The following ZNF83 variants were observed in gnomAD, a reference collection of about 807,000 sequenced individuals.
ZNF83 encodes the protein zinc finger protein 816B.
For synonymous variants in ZNF83, 209 were observed against 213.0 expected, an observed-to-expected ratio of 0.98 and a Z score of 0.17; for missense variants, 552 against 629.9, an observed-to-expected ratio of 0.88 and a Z score of 1.32.
intron 1 of ZNF83, among the ~76,000 whole-genome samples, chr19:52,688,795 G>A (rs1465296686): frequency 2.0e-5 from 3 of 152,044 alleles, no homozygotes; most frequent in Non-Finnish European, 4.4e-5. Context: ...GGCCCACAAT[G>A]TGGCAAGGCA....
intron 1 of ZNF83, among the ~76,000 whole-genome samples, chr19:52,689,819 C>G (rs1220492621): frequency 6.6e-6 from 1 of 152,136 alleles, no homozygotes; most frequent in African/African-American, 2.4e-5. Context: ...GCCTGCATCC[C>G]GGAGGAGCTT....
At chr19:52,652,350 G>C (rs779893359) in intron 3 of ZNF83, 5 of 299,110 alleles carry the variant, frequency 1.7e-5, no homozygotes, top group South Asian at 1.2e-4. Flanking sequence ...AAGGAGAATC[G>C]TATGAACCTG....
At chr19:52,634,928 C>T in intron 2 of ZNF83, 138 bp downstream of exon 2, 1 of 780,866 alleles carries the variant, frequency 1.3e-6, no homozygotes, top group South Asian at 1.6e-5. Context: ...ATGAGAGGGA[C>T]TGAGGGAAGG....
At chr19:52,631,965 G>A (rs1164165028) in intron 2 of ZNF83, among the ~76,000 whole-genome samples, 4 of 140,730 alleles carry the variant, frequency 2.8e-5, no homozygotes, top group Non-Finnish European at 6.2e-5. Flanking sequence ...CATCAAGCTC[G>A]AGGATTTGCC....
At chr19:52,666,412 G>T (rs557493323) in intron 1 of ZNF83, among the ~76,000 whole-genome samples, 1 of 152,128 alleles carries the variant, frequency 6.6e-6, no homozygotes, top group East Asian at 1.9e-4. Flanking sequence ...TGTTGTCAGT[G>T]TAAACAATGG....
At chr19:52,666,410 G>A (rs2061654288) in intron 1 of ZNF83, among the ~76,000 whole-genome samples, 1 of 152,014 alleles carries the variant, frequency 6.6e-6, no homozygotes, top group African/African-American at 2.4e-5. Flanking sequence ...CCTGTTGTCA[G>A]TGTAAACAAT....
chr19:52,631,929 AT>A, intron 2 of ZNF83, among the ~76,000 whole-genome samples: 1 of 124,194 alleles, frequency 8.1e-6, no homozygotes, highest in South Asian at 2.4e-4. Context: ...CTCAGGGATT[AT>A]TCAGGCCCCC....
chr19:52,685,633 T>C, intron 1 of ZNF83, among the ~76,000 whole-genome samples: 1 of 151,924 alleles, frequency 6.6e-6, no homozygotes, highest in African/African-American at 2.4e-5. Context: ...ACGGTAGCTC[T>C]TGCCTGTAAT....
Position 52,655,620 on chromosome 19 carries a change from G to T in ZNF83, c.-133C>A, listed in dbSNP as rs2061494658. ...CACGGCCCTGTATAAAGCCCTCTGTGCAGGGTTCAGGCATTTCCACTCCTC... is the reference window on the plus strand; with the variant it reads ...CACGGCCCTGTATAAAGCCCTCTGTTCAGGGTTCAGGCATTTCCACTCCTC... On this transcript the variant is annotated 5_prime_UTR_variant, in exon 3 of 6. Transcript: ENST00000594682. 6 of 1,492,268 alleles carry T rather than the reference G, an allele frequency of 4.0e-6. No homozygotes were observed. The Admixed American group carries it at 5.1e-5, about 13-fold the overall frequency. The allele number at this position is 1,492,268 out of a possible 1,614,324, so 92.4% of individuals were successfully genotyped here. A position where few individuals can be genotyped will look rare whatever the true frequency, so the allele number is the denominator to read the frequency against.
chr19:52,614,647 G>A, exon 3 of ZNF83: 1 of 1,412,174 alleles, frequency 7.1e-7, no homozygotes, highest in Non-Finnish European at 9.3e-7. Flanking sequence ...CAGACACTGA[G>A]AGTCATGTAC....
intron 2 of ZNF83, chr19:52,618,648 TG>T (rs1265514005): frequency 4.6e-6 from 2 of 436,006 alleles, no homozygotes; most frequent in Non-Finnish European, 7.9e-6. Flanking sequence ...CCACAAGCTT[TG>T]GCCTCCCAAA....
chr19:52,676,792 C>T (rs895590196), intron 1 of ZNF83, among the ~76,000 whole-genome samples: 3 of 136,692 alleles, frequency 2.2e-5, no homozygotes, highest in African/African-American at 8.7e-5. Context: ...AGAAAAATTC[C>T]TCTGCCTTGG....
chr19:52,663,296 C>T (rs1004679994), intron 1 of ZNF83, among the ~76,000 whole-genome samples: 2 of 152,136 alleles, frequency 1.3e-5, no homozygotes, highest in African/African-American at 2.4e-5. Context: ...GACAGTAATA[C>T]GTTCAAAATA....
At chr19:52,680,356 C>G (rs1034104042) in intron 1 of ZNF83, among the ~76,000 whole-genome samples, 40 of 152,130 alleles carry the variant, frequency 2.6e-4, no homozygotes, top group Non-Finnish European at 4.3e-4. Flanking sequence ...GCCCTCTGCG[C>G]AGGGTTCAGG....
chr19:52,623,670 G>A (rs1027493772), intron 2 of ZNF83, among the ~76,000 whole-genome samples: 40 of 151,866 alleles, frequency 2.6e-4, no homozygotes, highest in African/African-American at 9.4e-4. Flanking sequence ...TCCCTCCCTG[G>A]CAACTGATCA....
chr19:52,653,327 CA>C, intron 3 of ZNF83: 1 of 1,286,790 alleles, frequency 7.8e-7, no homozygotes, highest in Non-Finnish European at 1.1e-6. Flanking sequence ...GGTTTCTCTC[CA>C]GTATGAACTC....
exon 3 of ZNF83, chr19:52,614,456 T>C: frequency 6.2e-7 from 1 of 1,612,974 alleles, no homozygotes; most frequent in Middle Eastern, 1.7e-4. Flanking sequence ...TATTTATATA[T>C]TTTCCCTTCA....
intron 3 of ZNF83, among the ~76,000 whole-genome samples, chr19:52,644,112 TCA>T (rs141633968): frequency 0.012 from 1,801 of 151,922 alleles, 37 homozygotes; most frequent in African/African-American, 0.041. Context: ...TGTGATGTCC[TCA>T]CACAGAGAAA....
At chr19:52,665,933 GGCAA>G (rs2061644398) in intron 1 of ZNF83, among the ~76,000 whole-genome samples, 1 of 152,018 alleles carries the variant, frequency 6.6e-6, no homozygotes, top group East Asian at 1.9e-4. Context: ...GGCTGAGGTG[GGCAA>G]ATCACGAGGT....
Sources: gnomAD v4.1 joint callset for allele counts (sites outside exome capture counted in the v4.1 genomes callset) on GRCh38, gnomAD v4.1.1 for gene constraint, MANE v1.5 for transcripts, NCBI Gene and HGNC (gene_info 2026-07-23, HGNC 2026-07-21) for gene names.